The following SPAG16 variants were observed in gnomAD, a reference collection of about 807,000 sequenced individuals.
SPAG16 encodes sperm associated antigen 16.
A neutral mutation model predicts 80.4 loss-of-function variants in SPAG16; 86 were observed. The ratio of observed to expected loss-of-function variants is 1.07; its 90% confidence interval spans 0.90 to 1.28. SPAG16 has a LOEUF of 1.28. SPAG16 is among the 50% of genes most tolerant of loss of function. The probability of loss-of-function intolerance (pLI) is 0.00; values close to 1 mark genes in which losing one functional copy is unlikely to be tolerated. For missense variants in SPAG16, 870 were observed against 765.3 expected, an observed-to-expected ratio of 1.14 and a Z score of -1.61; for synonymous variants, 294 against 265.9, an observed-to-expected ratio of 1.11 and a Z score of -1.03.
chr2:213,505,074 T>A (rs1461389648), intron 10 of SPAG16, among the ~76,000 whole-genome samples: 2 of 152,254 alleles, frequency 1.3e-5, no homozygotes, highest in Non-Finnish European at 2.9e-5. Flanking sequence ...ATCATTTGTA[T>A]CAGTGACATT....
At chr2:213,832,284 C>A (rs2073712819) in intron 10 of SPAG16, among the ~76,000 whole-genome samples, 1 of 152,114 alleles carries the variant, frequency 6.6e-6, no homozygotes, top group South Asian at 2.1e-4. Context: ...GCATGAGCCA[C>A]CATGCCTGGC....
chr2:213,856,084 A>G (rs1655780974), intron 10 of SPAG16, among the ~76,000 whole-genome samples: 1 of 152,242 alleles, frequency 6.6e-6, no homozygotes, highest in Admixed American at 6.5e-5. Flanking sequence ...GTTACTTCCT[A>G]GACACACTGG....
At chr2:214,047,626 G>T (rs2049403367) in intron 13 of SPAG16, among the ~76,000 whole-genome samples, 1 of 152,096 alleles carries the variant, frequency 6.6e-6, no homozygotes, top group Non-Finnish European at 1.5e-5. Flanking sequence ...CAGGACATTG[G>T]TCTGGGCAAA....
At chr2:214,278,547 G>T (rs1288085037) in intron 15 of SPAG16, among the ~76,000 whole-genome samples, 1 of 152,108 alleles carries the variant, frequency 6.6e-6, no homozygotes, top group Admixed American at 6.5e-5. Context: ...GAGCTACTGT[G>T]GGACTGATCT....
At chr2:213,313,552 C>A (rs963410293) in intron 4 of SPAG16, among the ~76,000 whole-genome samples, 1 of 151,798 alleles carries the variant, frequency 6.6e-6, no homozygotes, top group Non-Finnish European at 1.5e-5. Flanking sequence ...GTGGCAGAGT[C>A]AACCTAGGAC....
intron 12 of SPAG16, among the ~76,000 whole-genome samples, chr2:213,990,549 A>G (rs560482614): frequency 6.6e-6 from 1 of 152,318 alleles, no homozygotes; most frequent in East Asian, 1.9e-4. Context: ...TTCTTATAAT[A>G]AAGTAAGCTA....
intron 7 of SPAG16, among the ~76,000 whole-genome samples, chr2:213,352,032 G>C (rs112219257): frequency 6.6e-6 from 1 of 151,856 alleles, no homozygotes; most frequent in African/African-American, 2.4e-5. Flanking sequence ...TTGTATAAGC[G>C]TCTGGCATTT....
At chr2:214,160,363 T>A (rs935307397) in intron 15 of SPAG16, among the ~76,000 whole-genome samples, 2 of 151,974 alleles carry the variant, frequency 1.3e-5, no homozygotes, top group African/African-American at 4.8e-5. Context: ...AGGTACCATT[T>A]TTCCTTATCC....
intron 10 of SPAG16, among the ~76,000 whole-genome samples, chr2:213,811,413 TA>T (rs2125668375): frequency 6.6e-6 from 1 of 152,280 alleles, no homozygotes; most frequent in Admixed American, 6.5e-5. Flanking sequence ...ATAAAACTCT[TA>T]AATCTTCTGT....
intron 9 of SPAG16, among the ~76,000 whole-genome samples, chr2:213,381,905 G>A (rs1394263936): frequency 6.6e-6 from 1 of 152,170 alleles, no homozygotes; most frequent in East Asian, 1.9e-4. Flanking sequence ...CAGATATACT[G>A]CCAAGATTTC....
chr2:213,417,791 G>T (rs967615152), intron 9 of SPAG16, among the ~76,000 whole-genome samples: 5 of 151,690 alleles, frequency 3.3e-5, no homozygotes, highest in Non-Finnish European at 7.4e-5. Context: ...AAATGTATAT[G>T]TAATCATGTC....
intron 11 of SPAG16, among the ~76,000 whole-genome samples, chr2:213,911,870 A>G (rs907145288): frequency 6.6e-6 from 1 of 151,478 alleles, no homozygotes; most frequent in Non-Finnish European, 1.5e-5. Flanking sequence ...ACGCACACAT[A>G]TATGTATGAT....
chr2:213,721,007 C>T (rs2125394501), intron 10 of SPAG16, among the ~76,000 whole-genome samples: 1 of 152,262 alleles, frequency 6.6e-6, no homozygotes, highest in East Asian at 1.9e-4. Flanking sequence ...CCACCTCAGC[C>T]TCCCAAAGTG....
At chr2:214,306,888 T>C (rs1477662658) in intron 15 of SPAG16, among the ~76,000 whole-genome samples, 1 of 152,202 alleles carries the variant, frequency 6.6e-6, no homozygotes, top group Non-Finnish European at 1.5e-5. Context: ...ATCAGGATGA[T>C]GGTGGCCTCA....
intron 10 of SPAG16, among the ~76,000 whole-genome samples, chr2:213,613,576 T>C (rs2061503820): frequency 6.6e-6 from 1 of 152,208 alleles, no homozygotes; most frequent in Admixed American, 6.5e-5. Context: ...CATATGTTAG[T>C]TTCTTAGTGA....
intron 14 of SPAG16, 45 bp downstream of exon 14, chr2:214,108,306 T>C: frequency 6.9e-7 from 1 of 1,443,372 alleles, no homozygotes; most frequent in Non-Finnish European, 9.6e-7. Flanking sequence ...GCTTCATATA[T>C]ACAAATTCAT....
intron 10 of SPAG16, among the ~76,000 whole-genome samples, chr2:213,682,867 G>C (rs13026541): frequency 2.6e-5 from 4 of 152,150 alleles, no homozygotes; most frequent in Non-Finnish European, 5.9e-5. Flanking sequence ...TAAAATTGCT[G>C]TGTTTGTCCT....
At position 214,243,305 on chromosome 2, in the gene SPAG16, C is replaced by T. The variant is rs111923456; in HGVS notation, c.1720+94039C>T. On this transcript the variant is annotated intron_variant, in intron 15 of 15. Coordinates refer to ENST00000331683, the MANE Select transcript of SPAG16 (RefSeq NM_024532.5). Reference sequence around the variant, plus strand: ...TCAGTGGTCCCTTAAGATGAACCAACGATTTGAAGAAAACAAACTTGATTA... The same window carrying T: ...TCAGTGGTCCCTTAAGATGAACCAATGATTTGAAGAAAACAAACTTGATTA... Among the ~76,000 whole-genome samples, 49 of 152,110 alleles carry T rather than the reference C, an allele frequency of 3.2e-4. 2 individuals carry two copies. Among genetic ancestry groups the T allele is most frequent in the African/African-American group, 9.4e-4 (39 of 41,528 alleles).
chr2:214,090,230 G>GA (rs892635015), intron 13 of SPAG16, among the ~76,000 whole-genome samples: 1 of 151,126 alleles, frequency 6.6e-6, no homozygotes, highest in South Asian at 2.1e-4. Flanking sequence ...TGAAGACGAA[G>GA]AAAAAAAGAA....
Sources: gnomAD v4.1 joint callset for allele counts (sites outside exome capture counted in the v4.1 genomes callset) on GRCh38, gnomAD v4.1.1 for gene constraint, MANE v1.5 for transcripts, NCBI Gene and HGNC (gene_info 2026-07-23, HGNC 2026-07-21) for gene names.